Variants in CCDC73 observed in about 807,000 individuals in gnomAD.
The protein encoded by CCDC73 is coiled-coil domain containing 73.
Under a neutral mutation model 116.5 loss-of-function variants are expected in CCDC73, and 95 were observed. That is an observed-to-expected ratio of 0.82 (90% CI 0.69 to 0.97). The LOEUF is 0.97. CCDC73 is among the 50% of genes least tolerant of loss of function. The pLI is 0.00. For synonymous variants in CCDC73, 398 were observed against 401.3 expected (o/e 0.99, Z 0.10); for missense variants, 1,066 against 1,206.8 (o/e 0.88, Z 1.73).
At chr11:32,648,222 G>A (rs778230557) in intron 12 of CCDC73, among the ~76,000 whole-genome samples, 6 of 152,138 alleles carry the variant, frequency 3.9e-5, no homozygotes, top group East Asian at 1.9e-4. Flanking sequence ...CTTTGATTTC[G>A]TTTCTACTTC....
chr11:32,728,611 C>T (rs373692351), intron 2 of CCDC73, among the ~76,000 whole-genome samples: 13 of 152,238 alleles, frequency 8.5e-5, no homozygotes, highest in Middle Eastern at 3.4e-3. Context: ...TATGTATATA[C>T]GCTAACCCAT....
At chr11:32,746,669 A>T (rs1792462614) in intron 2 of CCDC73, among the ~76,000 whole-genome samples, 1 of 151,708 alleles carries the variant, frequency 6.6e-6, no homozygotes, top group Admixed American at 6.6e-5. Flanking sequence ...ACTTTATTTC[A>T]TTAATTTGAT....
At chr11:32,607,115 C>T (rs1481917609) in intron 17 of CCDC73, among the ~76,000 whole-genome samples, 15 of 95,810 alleles carry the variant, frequency 1.6e-4, no homozygotes, top group African/African-American at 3.7e-4. Context: ...TTTTTTGAGA[C>T]GGAGTCTCGC....
intron 1 of CCDC73, among the ~76,000 whole-genome samples, chr11:32,784,463 A>T (rs1410950135): frequency 6.6e-6 from 1 of 152,230 alleles, no homozygotes; most frequent in African/African-American, 2.4e-5. Flanking sequence ...ATATAATAAA[A>T]AGTATGCTAC....
chr11:32,825,817 T>C, the CCDC73 span, among the ~76,000 whole-genome samples: 1 of 151,926 alleles, frequency 6.6e-6, no homozygotes, highest in Non-Finnish European at 1.5e-5. Context: ...GATGAGAAAA[T>C]AAGGCTGATA....
chr11:32,624,577 A>AT (rs935967433), intron 14 of CCDC73, among the ~76,000 whole-genome samples: 1 of 152,276 alleles, frequency 6.6e-6, no homozygotes, highest in African/African-American at 2.4e-5. Context: ...ATTTAGTAAA[A>AT]TTTTTTAGCA....
At chr11:32,710,053 CCT>C (rs1265211279) in intron 3 of CCDC73, among the ~76,000 whole-genome samples, 4 of 152,088 alleles carry the variant, frequency 2.6e-5, no homozygotes, top group African/African-American at 4.8e-5. Context: ...TGTAGCATCC[CCT>C]GTTTCATTTC....
At chr11:32,672,159 C>T (rs911595554) in intron 9 of CCDC73, among the ~76,000 whole-genome samples, 1 of 152,030 alleles carries the variant, frequency 6.6e-6, no homozygotes, top group Non-Finnish European at 1.5e-5. Context: ...CTGGCCAAGA[C>T]AGTGAAACCC....
At chr11:32,762,765 G>A (rs181540740) in intron 1 of CCDC73, among the ~76,000 whole-genome samples, 4 of 152,276 alleles carry the variant, frequency 2.6e-5, no homozygotes, top group South Asian at 2.1e-4. Flanking sequence ...GACAGTGGGT[G>A]CAGCACACCG....
chr11:32,636,826 T>C (rs528334253), intron 13 of CCDC73, among the ~76,000 whole-genome samples: 2 of 152,012 alleles, frequency 1.3e-5, no homozygotes, highest in East Asian at 3.9e-4. Flanking sequence ...AAACTCTCCA[T>C]GTGTTCTTCA....
Position 32,661,675 on chromosome 11 carries a change from A to G in CCDC73, c.646-6703T>C, listed in dbSNP as rs1262675090. On this transcript the variant is annotated intron_variant, in intron 9 of 17. Coordinates refer to ENST00000335185, the MANE Select transcript of CCDC73 (RefSeq NM_001008391.4). ...TAGTATTCCGTGGTGTATATGTGCC[A>G]CATTTTCTTTATTTTATTATTATTA... Among the ~76,000 whole-genome samples the G allele has an allele frequency of 3.3e-5, 5 of 151,162 alleles. No individual in the cohort carries two copies. In the East Asian group the frequency reaches 9.9e-4, roughly 30 times the overall value.
At chr11:32,771,941 A>G (rs1169143609) in intron 1 of CCDC73, among the ~76,000 whole-genome samples, 1 of 152,232 alleles carries the variant, frequency 6.6e-6, no homozygotes, top group African/African-American at 2.4e-5. Context: ...CATGTTATAC[A>G]AAGAACGAGA....
At position 32,654,872 on chromosome 11, in the gene CCDC73, A is replaced by C. The variant is rs1194651210; in HGVS notation, c.746T>G (p.Phe249Cys). The C allele has an allele frequency of 6.3e-7, 1 of 1,585,448 alleles. No homozygotes were observed. Residue 249 changes from phenylalanine to cysteine, a missense_variant, in exon 10 of 18, where the codon TTT becomes TGT. Coordinates refer to ENST00000335185, the MANE Select transcript of CCDC73 (RefSeq NM_001008391.4). ...NINLTIKEQK[F>C]QELQERLNME... ...GTTGAGTCTTTCTTGAAGTTCTTGA[A>C]ATTTTTGTTCTTTAATTGTTAGATT...
intron 17 of CCDC73, chr11:32,605,404 A>AT (rs1855336386): frequency 1.3e-5 from 2 of 152,122 alleles, no homozygotes; most frequent in African/African-American, 4.8e-5. Flanking sequence ...TAGGCAAGTC[A>AT]TTTAATTTTT....
At chr11:32,632,737 G>A (rs1455831687) in intron 14 of CCDC73, among the ~76,000 whole-genome samples, 1 of 151,962 alleles carries the variant, frequency 6.6e-6, no homozygotes, top group African/African-American at 2.4e-5. Flanking sequence ...GTTTATATGT[G>A]TGTGTGTATG....
intron 9 of CCDC73, among the ~76,000 whole-genome samples, chr11:32,669,487 TTTTTAAA>T (rs1284758730): frequency 6.6e-6 from 1 of 152,206 alleles, no homozygotes; most frequent in Non-Finnish European, 1.5e-5. Context: ...TATTTAGTTA[TTTTTAAA>T]TATACAATTA....
At chr11:32,621,393 G>A (rs1590548759) in intron 14 of CCDC73, among the ~76,000 whole-genome samples, 2 of 152,072 alleles carry the variant, frequency 1.3e-5, no homozygotes, top group Admixed American at 6.6e-5. Flanking sequence ...CCTGATCTTC[G>A]ACAAACCTGA....
At chr11:32,783,764 G>C (rs918532237) in intron 1 of CCDC73, among the ~76,000 whole-genome samples, 1 of 152,032 alleles carries the variant, frequency 6.6e-6, no homozygotes, top group Non-Finnish European at 1.5e-5. Flanking sequence ...AGGTTTCAAC[G>C]TATGAATTTG....
chr11:32,666,700 G>A (rs533667927), intron 9 of CCDC73, among the ~76,000 whole-genome samples: 10 of 152,308 alleles, frequency 6.6e-5, no homozygotes, highest in South Asian at 2.1e-4. Context: ...CATTGCTGGC[G>A]AGGAGCTGCG....
Sources: allele counts gnomAD v4.1 joint callset (sites outside exome capture counted in the v4.1 genomes callset), GRCh38; gene constraint gnomAD v4.1.1; transcripts MANE v1.5; gene names NCBI Gene and HGNC (gene_info 2026-07-23, HGNC 2026-07-21).